The following SMARCA4 variants were observed in gnomAD, a reference collection of about 807,000 sequenced individuals.
SMARCA4 encodes SWI/SNF-related matrix-associated actin-dependent regulator of chromatin subfamily A member 4.
Under a neutral mutation model 193.9 loss-of-function variants are expected in SMARCA4, and 31 were observed. That is an observed-to-expected ratio of 0.16 (90% CI 0.12 to 0.22). The LOEUF (loss-of-function observed/expected upper bound fraction) is 0.22, where lower values mean the gene tolerates loss of function less well. SMARCA4 is among the 10% of genes least tolerant of loss of function. The probability of loss-of-function intolerance (pLI) is 1.00; values close to 1 mark genes in which losing one functional copy is unlikely to be tolerated. For synonymous variants in SMARCA4, 942 were observed against 933.1 expected, an observed-to-expected ratio of 1.01 and a Z score of -0.17; for missense variants, 1,148 against 2,296.0, an observed-to-expected ratio of 0.50 and a Z score of 10.22.
intron 29 of SMARCA4, among the ~76,000 whole-genome samples, chr19:11,037,553 A>G (rs1428915714): frequency 2.0e-5 from 3 of 152,208 alleles, no homozygotes; most frequent in African/African-American, 7.2e-5. Flanking sequence ...GCCTTATCAG[A>G]TATCATTTGT....
At chr19:11,010,574 G>A (rs199525815) in intron 15 of SMARCA4, 43 bp downstream of exon 15, 20 of 1,600,250 alleles carry the variant, frequency 1.2e-5, no homozygotes, top group Admixed American at 5.0e-5. Context: ...TAGCTGCCTC[G>A]GTGCAGGTGT....
chr19:11,029,122 C>T (rs2090463297), intron 24 of SMARCA4, among the ~76,000 whole-genome samples: 1 of 152,228 alleles, frequency 6.6e-6, no homozygotes, highest in African/African-American at 2.4e-5. Flanking sequence ...GGCTTGCCTT[C>T]TTCCTTGGGG....
rs1180736004 is a variant in SMARCA4, at chr19:11,031,005, C to T, written c.3546+112C>T. 6.7e-6 allele frequency: 7 copies of T among 1,043,230 alleles called. No individual in the cohort carries two copies. The Admixed American group carries it at 9.9e-5, about 15-fold the overall frequency. The allele number at this position is 1,043,230 out of a possible 1,614,324, so 64.6% of individuals were successfully genotyped here. A position where few individuals can be genotyped will look rare whatever the true frequency, so the allele number is the denominator to read the frequency against. On this transcript the variant is annotated intron_variant, in intron 25 of 34. Transcript: ENST00000344626. The surrounding 1 kb of genome is among the most constrained non-coding windows in gnomAD (Gnocchi z 4.3). ...CAGCCTCCTCCACATTGTCTTGGACCCCAGGAGCCGGGAGGAGCTGCACCC... is the reference window on the plus strand; with the variant it reads ...CAGCCTCCTCCACATTGTCTTGGACTCCAGGAGCCGGGAGGAGCTGCACCC...
rs2086074252 is a variant in SMARCA4 at position 10,986,678 on chromosome 19, G to C, written c.760+85G>C. 1 of 1,526,910 alleles carries C rather than the reference G, an allele frequency of 6.5e-7. No individual in the cohort carries two copies. Among genetic ancestry groups the C allele is most frequent in the Non-Finnish European group, 8.8e-7 (1 of 1,141,396 alleles). 94.6% of individuals were successfully genotyped at this position (1,526,910 alleles called of 1,614,324 possible). A position where few individuals can be genotyped will look rare whatever the true frequency, so the allele number is the denominator to read the frequency against. On this transcript the variant is annotated intron_variant, in intron 4 of 34. Coordinates refer to ENST00000344626, the MANE Select transcript of SMARCA4 (RefSeq NM_003072.5). This position sits in a 1 kb window ranked among gnomAD's most constrained non-coding sequence, Gnocchi z 6.7. ...CGGGGTGGACAGACCGTGCTCTGTT[G>C]CCGACTGGGTTCCCCGGTTTGGGAT...
intron 11 of SMARCA4, among the ~76,000 whole-genome samples, chr19:11,001,499 C>T (rs2087631980): frequency 6.6e-6 from 1 of 152,132 alleles, no homozygotes; most frequent in Non-Finnish European, 1.5e-5. Flanking sequence ...ATGCCCAAGC[C>T]TCACTCCAGA....
intron 1 of SMARCA4, among the ~76,000 whole-genome samples, chr19:10,981,202 G>A (rs1264647364): frequency 6.6e-6 from 1 of 152,170 alleles, no homozygotes; most frequent in Non-Finnish European, 1.5e-5. Flanking sequence ...TGAGAAGACT[G>A]TGGGGACAGA....
At chr19:11,040,599 A>T (rs1891351086) in intron 29 of SMARCA4, 1 of 151,958 alleles carries the variant, frequency 6.6e-6, no homozygotes, top group Admixed American at 6.6e-5. Flanking sequence ...TCCAAAAAAA[A>T]AAAAAAAAAA....
intron 19 of SMARCA4, 108 bp downstream of exon 19, chr19:11,022,075 C>T (rs1357228274): frequency 6.5e-6 from 10 of 1,528,442 alleles, no homozygotes; most frequent in African/African-American, 2.7e-5. Context: ...TGCTGGGTGC[C>T]TGGTGAGAGT....
At chr19:10,990,909 G>A (rs1340229008) in intron 7 of SMARCA4, among the ~76,000 whole-genome samples, 3 of 152,212 alleles carry the variant, frequency 2.0e-5, no homozygotes, top group African/African-American at 7.2e-5. Context: ...GTGGTAGAGG[G>A]GAGGCAAGCT....
At chr19:11,016,539 A>G (rs2089382416) in intron 16 of SMARCA4, among the ~76,000 whole-genome samples, 1 of 152,132 alleles carries the variant, frequency 6.6e-6, no homozygotes, top group African/African-American at 2.4e-5. Context: ...TGTTTGGGTA[A>G]TTATTATATC....
Position 11,062,119 on chromosome 19 carries a change from G to A in SMARCA4, c.*303G>A. On this transcript the variant is annotated 3_prime_UTR_variant, in exon 35 of 35. Transcript: ENST00000344626. ...TTGCTGGCAGTACTGTTGCGCCGCA[G>A]TTTGGAGTCACTGTAGTTAAGTGTG... 1 of 497,856 alleles carries A rather than the reference G, an allele frequency of 2.0e-6. No homozygotes were observed. 30.8% of individuals were successfully genotyped at this position (497,856 alleles called of 1,614,324 possible).
rs1170026700 is a variant in SMARCA4, at chr19:11,041,765, TGA to T, written c.4424+209_4424+210del. 6.6e-6 allele frequency among the ~76,000 whole-genome samples: 1 copy of T among 151,842 alleles called. No homozygotes were observed. The highest frequency in any genetic ancestry group is 1.5e-5 in the Non-Finnish European group (1 of 67,948). On this transcript the variant is annotated intron_variant, in intron 30 of 34. Transcript: ENST00000344626. The surrounding 1 kb of genome is among the most constrained non-coding windows in gnomAD (Gnocchi z 5.6). ...GGAAGCACACATGTATCTGCGGTGA[TGA>T]GAGGGAATGTCACATGTGGTCGAGA...
At chr19:10,995,328 C>A in intron 9 of SMARCA4, 1 of 524,224 alleles carries the variant, frequency 1.9e-6, no homozygotes, top group Non-Finnish European at 3.7e-6. Flanking sequence ...ATAAACATCT[C>A]TGACCATTTA....
At chr19:10,972,169 G>T (rs371759265) in intron 1 of SMARCA4, among the ~76,000 whole-genome samples, 7 of 152,084 alleles carry the variant, frequency 4.6e-5, no homozygotes, top group Non-Finnish European at 7.4e-5. Flanking sequence ...ATGTTGGCCA[G>T]GCTGGTCTCA....
At chr19:11,061,202 A>AT (rs1467232116) in intron 34 of SMARCA4, among the ~76,000 whole-genome samples, 269 of 61,280 alleles carry the variant, frequency 4.4e-3, no homozygotes, top group Non-Finnish European at 6.2e-3. Context: ...AAAAAAAAAA[A>AT]AAATATATAT....
At position 11,041,289 on chromosome 19, in the gene SMARCA4, C is replaced by T. The variant is rs2146811809; in HGVS notation, c.4171-18C>T. On this transcript the variant is annotated intron_variant, in intron 29 of 34. Transcript: ENST00000344626. This position sits in a 1 kb window ranked among gnomAD's most constrained non-coding sequence, Gnocchi z 5.6. ...CCTGGGTGCTGGCTGTCCTATTTTA[C>T]TACTATTGACCCTGAAGGCCATCGA... The T allele has an allele frequency of 6.3e-7, 1 of 1,594,736 alleles. No individual in the cohort carries two copies. Among genetic ancestry groups the T allele is most frequent in the Non-Finnish European group, 8.6e-7 (1 of 1,169,280 alleles).
intron 11 of SMARCA4, among the ~76,000 whole-genome samples, chr19:10,998,121 A>T (rs2087258434): frequency 6.6e-6 from 1 of 152,148 alleles, no homozygotes. Flanking sequence ...TCCTGGGCTC[A>T]AGTGATCCTC....
chr19:10,983,998 T>C, intron 1 of SMARCA4, 123 bp from the exon 2 acceptor site: 1 of 727,760 alleles, frequency 1.4e-6, no homozygotes, highest in Non-Finnish European at 2.4e-6. Flanking sequence ...GGGTGGCTGG[T>C]GGGGAAGGTA....
intron 15 of SMARCA4, 160 bp from the exon 16 acceptor site, chr19:11,012,789 A>G: frequency 1.4e-6 from 1 of 704,374 alleles, no homozygotes; most frequent in East Asian, 2.7e-5. Context: ...ATAAAGAATC[A>G]GTTTGGTTCA....
Sources: allele counts gnomAD v4.1 joint callset (sites outside exome capture counted in the v4.1 genomes callset), GRCh38; gene constraint gnomAD v4.1.1; non-coding constraint Gnocchi (gnomAD v3.1); transcripts MANE v1.5; gene names NCBI Gene and HGNC (gene_info 2026-07-23, HGNC 2026-07-21).